The following IFFO2 variants were observed in gnomAD, a reference collection of about 807,000 sequenced individuals.
IFFO2 encodes the protein intermediate filament family orphan 2.
Under a neutral mutation model 53.5 loss-of-function variants are expected in IFFO2, and 19 were observed. The observed-to-expected ratio is 0.36, with a 90% CI of 0.25 to 0.52. The LOEUF (loss-of-function observed/expected upper bound fraction) is 0.52, where lower values mean the gene tolerates loss of function less well. Ranked by LOEUF, IFFO2 falls within the 20% of genes least tolerant of loss-of-function variation. The pLI is 0.94. For missense variants in IFFO2, 570 were observed against 727.4 expected, an observed-to-expected ratio of 0.78 and a Z score of 2.49; for synonymous variants, 303 against 313.6, an observed-to-expected ratio of 0.97 and a Z score of 0.36.
chr1:18,927,609 C>T (rs1368664854), intron 1 of IFFO2, among the ~76,000 whole-genome samples: 1 of 152,240 alleles, frequency 6.6e-6, no homozygotes, highest in Non-Finnish European at 1.5e-5. Context: ...CTGTGTTTGC[C>T]CACCTGCAGA....
intron 1 of IFFO2, among the ~76,000 whole-genome samples, chr1:18,946,972 C>G (rs914493134): frequency 6.6e-6 from 1 of 152,244 alleles, no homozygotes; most frequent in African/African-American, 2.4e-5. Context: ...GGAGAAGGTA[C>G]TGGGCACATG....
intron 1 of IFFO2, among the ~76,000 whole-genome samples, chr1:18,950,904 T>C (rs542568117): frequency 6.6e-6 from 1 of 152,262 alleles, no homozygotes; most frequent in South Asian, 2.1e-4. Flanking sequence ...TCCCAGAAAG[T>C]GGCTTTTTAA....
In IFFO2 at chr1:18,909,270, C is replaced by T. The variant is rs75285287; in HGVS notation, c.1449-604G>A. ...CAGTAATGCAGCAAAACGAGGAAAA[C>T]AGTGACAACGTATTTGTGCTGTGTG... On this transcript the variant is annotated intron_variant, in intron 8 of 8. Transcript: ENST00000455833. Among the ~76,000 whole-genome samples the T allele has an allele frequency of 9.5e-3, 1,446 of 152,238 alleles. 25 individuals are homozygous for T. Among genetic ancestry groups the T allele is most frequent in the East Asian group, 0.064 (329 of 5,178 alleles).
At chr1:18,920,098 C>T (rs1158029271) in intron 2 of IFFO2, among the ~76,000 whole-genome samples, 1 of 152,230 alleles carries the variant, frequency 6.6e-6, no homozygotes, top group Non-Finnish European at 1.5e-5. Flanking sequence ...GCCATCTCTG[C>T]TTTCAAAAAT....
At chr1:18,948,031 C>T (rs2024727) in intron 1 of IFFO2, among the ~76,000 whole-genome samples, 120,523 of 152,158 alleles carry the variant, frequency 0.79, 48,861 homozygotes, top group East Asian at 0.94. Flanking sequence ...CTTCACCTCT[C>T]TGAACCTCTC....
intron 1 of IFFO2, among the ~76,000 whole-genome samples, chr1:18,942,167 G>A (rs1022633936): frequency 6.6e-6 from 1 of 152,208 alleles, no homozygotes; most frequent in Admixed American, 6.5e-5. Context: ...GGGTGTTGGT[G>A]AGCCTGACCC....
At chr1:18,945,090 C>T (rs1249540924) in intron 1 of IFFO2, among the ~76,000 whole-genome samples, 2 of 152,182 alleles carry the variant, frequency 1.3e-5, no homozygotes, top group East Asian at 1.9e-4. Flanking sequence ...ATCTGGAACA[C>T]CCTCTCTCCT....
chr1:18,946,710 C>G (rs1299050990), intron 1 of IFFO2, among the ~76,000 whole-genome samples: 1 of 151,266 alleles, frequency 6.6e-6, no homozygotes, highest in African/African-American at 2.4e-5. Context: ...AGCTACCGCA[C>G]CGGGCCTGGG....
At position 18,928,010 on chromosome 1, in the gene IFFO2, G is replaced by A. The variant is rs894906498; in HGVS notation, c.666-6889C>T. Among the ~76,000 whole-genome samples, 5 of 152,186 alleles carry A rather than the reference G, an allele frequency of 3.3e-5. No homozygotes were observed. The highest frequency in any genetic ancestry group is 7.2e-5 in the African/African-American group (3 of 41,442). ...GCTGGGAATACAATGTGGAAATCCC[G>A]CCACCACTGCTAACACAGGGCTCAC... is the stretch of plus-strand genomic sequence containing the variant. On this transcript the variant is annotated intron_variant, in intron 1 of 8. Coordinates refer to ENST00000455833, the MANE Select transcript of IFFO2 (RefSeq NM_001136265.2). This position sits in a 1 kb window ranked among gnomAD's most constrained non-coding sequence, Gnocchi z 4.9.
intron 1 of IFFO2, among the ~76,000 whole-genome samples, chr1:18,940,311 A>C (rs1257411753): frequency 6.6e-6 from 1 of 152,186 alleles, no homozygotes; most frequent in Non-Finnish European, 1.5e-5. Context: ...TACAGACCTG[A>C]CTTTGAGCCC....
chr1:18,943,621 G>A (rs980082889), intron 1 of IFFO2, among the ~76,000 whole-genome samples: 3 of 152,086 alleles, frequency 2.0e-5, no homozygotes, highest in African/African-American at 4.8e-5. Flanking sequence ...CACCCTGTGG[G>A]TATCATCATC....
chr1:18,908,482 C>G lies in IFFO2; in HGVS notation c.*79G>C, dbSNP rs1047640163. 1 of 1,078,980 alleles carries G rather than the reference C, an allele frequency of 9.3e-7. No individual in the cohort carries two copies. The highest frequency in any genetic ancestry group is 1.4e-6 in the Non-Finnish European group (1 of 718,708). The allele number at this position is 1,078,980 out of a possible 1,614,324, so 66.8% of individuals were successfully genotyped here. On this transcript the variant is annotated 3_prime_UTR_variant, in exon 9 of 9. Transcript: ENST00000455833. ...TGTGGTGTGGCTTCGAACCCCACTC[C>G]GAGGGGCCTTCCTGGCCCCATGAGG...
At chr1:18,930,789 T>C (rs1378961480) in intron 1 of IFFO2, among the ~76,000 whole-genome samples, 3 of 152,216 alleles carry the variant, frequency 2.0e-5, no homozygotes, top group Non-Finnish European at 4.4e-5. Context: ...AGGTTTCAGT[T>C]GTTTTCTGAG....
intron 1 of IFFO2, among the ~76,000 whole-genome samples, chr1:18,931,333 G>A (rs1936372548): frequency 6.6e-6 from 1 of 152,174 alleles, no homozygotes; most frequent in South Asian, 2.1e-4. Context: ...CTCCAAGGAG[G>A]AAATTGTCTC....
intron 1 of IFFO2, among the ~76,000 whole-genome samples, chr1:18,948,529 C>A (rs1936619221): frequency 6.6e-6 from 1 of 152,216 alleles, no homozygotes; most frequent in African/African-American, 2.4e-5. Context: ...ACTACCCTCT[C>A]TTGTACCAGG....
intron 1 of IFFO2, among the ~76,000 whole-genome samples, chr1:18,949,044 G>A (rs766047010): frequency 3.3e-5 from 5 of 152,218 alleles, no homozygotes; most frequent in Admixed American, 1.3e-4. Flanking sequence ...TGCACTGCCA[G>A]GCTTGGGGGT....
At position 18,936,540 on chromosome 1, in the gene IFFO2, C is replaced by A. The variant is rs1276239053; in HGVS notation, c.666-15419G>T. Among the ~76,000 whole-genome samples the A allele has an allele frequency of 6.6e-6, 1 of 152,202 alleles. No individual in the cohort carries two copies. The highest frequency in any genetic ancestry group is 1.5e-5 in the Non-Finnish European group (1 of 68,030). On this transcript the variant is annotated intron_variant, in intron 1 of 8. Coordinates refer to ENST00000455833, the MANE Select transcript of IFFO2 (RefSeq NM_001136265.2). This position sits in a 1 kb window ranked among gnomAD's most constrained non-coding sequence, Gnocchi z 4.5. Reference sequence around the variant, plus strand: ...CCAGGAGAGTGTGGGGGCCCCCAGGCCCAGGGTTATGTTTACAGCTTTGAG... The same window carrying A: ...CCAGGAGAGTGTGGGGGCCCCCAGGACCAGGGTTATGTTTACAGCTTTGAG...
rs1569828009 is a variant in IFFO2, at chr1:18,910,339, T to C, written c.1448+3A>G. 1 of 1,603,372 alleles carries C rather than the reference T, an allele frequency of 6.2e-7. No individual in the cohort carries two copies. The highest frequency in any genetic ancestry group is 8.5e-7 in the Non-Finnish European group (1 of 1,174,920). On this transcript the variant is annotated splice_donor_region_variant and intron_variant, in intron 8 of 8. Transcript: ENST00000455833. ...TGAATCCCCTGGGAGGATGGGCGGGTACCTGTCTGCGGAGCCTTTGATGAG... is the reference window on the plus strand; with the variant it reads ...TGAATCCCCTGGGAGGATGGGCGGGCACCTGTCTGCGGAGCCTTTGATGAG...
chr1:18,913,790 T>C (rs1936083216), intron 5 of IFFO2, among the ~76,000 whole-genome samples: 2 of 151,414 alleles, frequency 1.3e-5, no homozygotes, highest in African/African-American at 4.8e-5. Flanking sequence ...GTGATCAAAG[T>C]GATCAGAGGT....
Sources: allele counts gnomAD v4.1 joint callset (sites outside exome capture counted in the v4.1 genomes callset), GRCh38; gene constraint gnomAD v4.1.1; non-coding constraint Gnocchi (gnomAD v3.1); transcripts MANE v1.5; gene names NCBI Gene and HGNC (gene_info 2026-07-23, HGNC 2026-07-21).